Variants in C5 observed in about 807,000 individuals in gnomAD.
C5 encodes the protein C3 and PZP-like alpha-2-macroglobulin domain-containing protein 4.
In C5, 140 loss-of-function variants were observed where a neutral mutation model predicts 218.8. That is an observed-to-expected ratio of 0.64 (90% CI 0.56 to 0.74). C5 has a LOEUF of 0.74. Among genes scored for constraint, C5 ranks in the 30% least tolerant of loss-of-function variants. The probability of loss-of-function intolerance (pLI) is 0.00; values close to 1 mark genes in which losing one functional copy is unlikely to be tolerated. For synonymous variants in C5, 614 were observed against 682.3 expected (o/e 0.90, Z 1.56); for missense variants, 1,700 against 1,969.6 (o/e 0.86, Z 2.59).
chr9:121,051,290 T>C (rs1460296647), upstream of C5, among the ~76,000 whole-genome samples: 1 of 151,918 alleles, frequency 6.6e-6, no homozygotes, highest in African/African-American at 2.4e-5. Context: ...ATCCAGCTAA[T>C]TTTTTGTATT....
At chr9:121,001,363 A>T (rs1052038349) in intron 20 of C5, among the ~76,000 whole-genome samples, 1 of 152,218 alleles carries the variant, frequency 6.6e-6, no homozygotes, top group African/African-American at 2.4e-5. Context: ...ATATCATAGA[A>T]TACATGAAAG....
intron 25 of C5, among the ~76,000 whole-genome samples, chr9:120,987,370 C>T (rs1044005794): frequency 3.3e-5 from 5 of 151,946 alleles, no homozygotes; most frequent in Admixed American, 6.6e-5. Flanking sequence ...ACTGGCCAGG[C>T]GCAGTGGCTC....
At chr9:120,966,534 C>T (rs776692756) in intron 33 of C5, among the ~76,000 whole-genome samples, 2 of 152,212 alleles carry the variant, frequency 1.3e-5, no homozygotes, top group Non-Finnish European at 2.9e-5. Context: ...AGTCTAGATG[C>T]CTCCCTGTAG....
intron 20 of C5, among the ~76,000 whole-genome samples, chr9:120,999,221 T>C (rs1312482203): frequency 1.3e-5 from 2 of 152,198 alleles, no homozygotes; most frequent in Non-Finnish European, 2.9e-5. Context: ...GCAACCTTTC[T>C]GTAAAAATAA....
chr9:120,960,615 C>T (rs900910479), intron 37 of C5, among the ~76,000 whole-genome samples: 2 of 152,240 alleles, frequency 1.3e-5, no homozygotes, highest in Admixed American at 6.5e-5. Context: ...GCTTCGAATG[C>T]GGCACAACAC....
upstream of C5, among the ~76,000 whole-genome samples, chr9:121,052,381 T>C (rs1379799180): frequency 1.4e-5 from 2 of 145,742 alleles, no homozygotes; most frequent in African/African-American, 5.1e-5. Context: ...CACTTGAACC[T>C]GGGAGGTGGA....
chr9:121,018,662 G>GAAAGAAAGAAA (rs2047332617), intron 12 of C5, among the ~76,000 whole-genome samples: 4 of 36,926 alleles, frequency 1.1e-4, no homozygotes, highest in African/African-American at 2.9e-4. Flanking sequence ...AAAGAAAGAA[G>GAAAGAAAGAAA]GAAGGAAGGA....
chr9:121,037,750 T>G (rs2047540990), intron 4 of C5, 131 bp downstream of exon 4: 3 of 532,456 alleles, frequency 5.6e-6, no homozygotes, highest in Admixed American at 3.0e-5. Flanking sequence ...GATTCTATAC[T>G]CATTGCAGAT....
chr9:120,982,691 G>T lies in C5; in HGVS notation c.3354C>A (p.Phe1118Leu). The T allele has an allele frequency of 6.2e-7, 1 of 1,608,396 alleles. No individual in the cohort carries two copies. The highest frequency in any genetic ancestry group is 8.5e-7 in the Non-Finnish European group (1 of 1,175,680). Reference protein sequence around the residue: ...VENYQLDNGSFKENSQYQPIK... With the variant: ...VENYQLDNGSLKENSQYQPIK... ...TTGGTTGATACTGTGAATTTTCCTT[G>T]AAAGATCCATTATCTAATTGATAAT... Residue 1118 changes from phenylalanine (F) to leucine (L), a missense_variant, in exon 26 of 41, where the codon TTC (phenylalanine) becomes TTA (leucine). Coordinates refer to ENST00000223642, the MANE Select transcript of C5 (RefSeq NM_001735.3).
intron 18 of C5, 42 bp from the exon 19 acceptor site, chr9:121,007,019 G>T: frequency 7.0e-7 from 1 of 1,424,130 alleles, no homozygotes; most frequent in Non-Finnish European, 9.9e-7. Flanking sequence ...GTGGAATATT[G>T]ATTAACCCAA....
At chr9:121,047,598 A>C (rs1279650549) in intron 1 of C5, among the ~76,000 whole-genome samples, 1 of 152,234 alleles carries the variant, frequency 6.6e-6, no homozygotes, top group African/African-American at 2.4e-5. Flanking sequence ...ACCTGGCAGA[A>C]TTATTCCAGG....
chr9:120,967,353 C>G (rs531309386), intron 33 of C5, among the ~76,000 whole-genome samples: 1 of 151,984 alleles, frequency 6.6e-6, no homozygotes, highest in South Asian at 2.1e-4. Context: ...ACTCTGTGAG[C>G]ATTTGGCAGG....
At chr9:121,072,246 G>A in the C5 span, among the ~76,000 whole-genome samples, 1 of 151,974 alleles carries the variant, frequency 6.6e-6, no homozygotes, top group South Asian at 2.1e-4. Context: ...GCCACCCTCT[G>A]GACTTTTTAT....
chr9:120,990,471 T>C (rs1417224234), intron 23 of C5, among the ~76,000 whole-genome samples: 3 of 152,184 alleles, frequency 2.0e-5, no homozygotes, highest in African/African-American at 7.2e-5. Flanking sequence ...ACCAAGGTGA[T>C]AGTATTAGAA....
intron 30 of C5, among the ~76,000 whole-genome samples, chr9:120,972,568 C>G (rs1161966146): frequency 3.9e-5 from 6 of 152,168 alleles, no homozygotes; most frequent in Non-Finnish European, 8.8e-5. Context: ...CCCACTCAAG[C>G]CTGCCAAATC....
intron 5 of C5, among the ~76,000 whole-genome samples, chr9:121,032,439 T>C (rs1044556892): frequency 4.6e-5 from 7 of 152,234 alleles, no homozygotes; most frequent in Admixed American, 1.3e-4. Context: ...CCTGGTATTT[T>C]ATCTTAATAC....
In C5 at chr9:121,030,426, A is replaced by T. The variant is rs2131796045; in HGVS notation, c.729T>A (p.Phe243Leu). 6.5e-7 allele frequency: 1 copy of T among 1,531,442 alleles called. No individual in the cohort carries two copies. The highest frequency in any genetic ancestry group is 2.4e-5 in the East Asian group (1 of 41,412). The allele number at this position is 1,531,442 out of a possible 1,614,324, so 94.9% of individuals were successfully genotyped here. A position where few individuals can be genotyped will look rare whatever the true frequency, so the allele number is the denominator to read the frequency against. Residue 243 changes from phenylalanine to leucine, a missense_variant, in exon 7 of 41, where the codon TTT (phenylalanine) becomes TTA (leucine). Transcript: ENST00000223642. Reference sequence around the variant, plus strand: ...CTTTTATAGTAATTTCAAAATTCTTAAAGTTCTTGTAACCAATGAAATTAT... The same window carrying T: ...CTTTTATAGTAATTTCAAAATTCTTTAAGTTCTTGTAACCAATGAAATTAT... ...PEYNFIGYKNFKNFEITIKAR... is the reference protein window; with the variant it reads ...PEYNFIGYKNLKNFEITIKAR...
intron 33 of C5, among the ~76,000 whole-genome samples, chr9:120,964,497 A>G (rs1228432113): frequency 1.3e-5 from 2 of 152,180 alleles, no homozygotes; most frequent in African/African-American, 4.8e-5. Context: ...ACAAACCCAC[A>G]AATATTAGTA....
At chr9:121,072,376 G>C in the C5 span, among the ~76,000 whole-genome samples, 100 of 152,314 alleles carry the variant, frequency 6.6e-4, 1 homozygote, top group South Asian at 0.02. Flanking sequence ...ACACAGCAAT[G>C]AGGTTACGCA....
Sources: gnomAD v4.1 joint callset for allele counts (sites outside exome capture counted in the v4.1 genomes callset) on GRCh38, gnomAD v4.1.1 for gene constraint, MANE v1.5 for transcripts, NCBI Gene and HGNC (gene_info 2026-07-23, HGNC 2026-07-21) for gene names.